CMBL: variants seen among roughly 807,000 people sequenced by gnomAD.
The protein encoded by CMBL is carboxymethylenebutenolidase homolog, also known as carboxymethylenebutenolidase homolog (Pseudomonas).
In CMBL, 17 loss-of-function variants were observed where a neutral mutation model predicts 28.7. That is an observed-to-expected ratio of 0.59 (90% CI 0.41 to 0.89). CMBL has a LOEUF of 0.89. CMBL is among the 40% of genes least tolerant of loss of function. CMBL has a pLI of 0.00. For synonymous variants in CMBL, 106 were observed against 101.6 expected (o/e 1.04, Z -0.26); for missense variants, 310 against 298.5 (o/e 1.04, Z -0.28).
intron 1 of CMBL, among the ~76,000 whole-genome samples, chr5:10,299,151 A>G (rs1215588675): frequency 6.6e-6 from 1 of 152,208 alleles, no homozygotes; most frequent in Non-Finnish European, 1.5e-5. Flanking sequence ...AACAAGATAG[A>G]CTAGGAGAAG....
intron 1 of CMBL, among the ~76,000 whole-genome samples, chr5:10,303,730 A>G (rs1421637772): frequency 6.6e-6 from 1 of 152,156 alleles, no homozygotes; most frequent in Non-Finnish European, 1.5e-5. Flanking sequence ...GGGGGATCAC[A>G]CACCTCTCAT....
intron 4 of CMBL, among the ~76,000 whole-genome samples, chr5:10,283,548 C>T (rs780623518): frequency 2.0e-5 from 3 of 152,194 alleles, no homozygotes; most frequent in East Asian, 1.9e-4. Context: ...GAGGCCAAGG[C>T]GGGGTGGATC....
intron 1 of CMBL, among the ~76,000 whole-genome samples, chr5:10,291,153 G>C (rs1203558189): frequency 6.6e-6 from 1 of 152,162 alleles, no homozygotes; most frequent in Non-Finnish European, 1.5e-5. Flanking sequence ...CACCCTAACA[G>C]TCGGGTGCTT....
chr5:10,302,128 G>A (rs1234011837), intron 1 of CMBL, among the ~76,000 whole-genome samples: 1 of 152,156 alleles, frequency 6.6e-6, no homozygotes, highest in Non-Finnish European at 1.5e-5. Context: ...AGTCCACAAT[G>A]GGCAGGGCGA....
chr5:10,293,697 C>T (rs1172739350), intron 1 of CMBL, among the ~76,000 whole-genome samples: 1 of 152,210 alleles, frequency 6.6e-6, no homozygotes, highest in East Asian at 1.9e-4. Flanking sequence ...AGACCAAAGA[C>T]TCTAGAACCA....
rs144737518 is a variant in CMBL, at chr5:10,280,630, T to C, written c.561A>G (p.Val187=). 5 of 1,597,452 alleles carry C rather than the reference T, an allele frequency of 3.1e-6. No homozygotes were observed. The highest frequency in any genetic ancestry group is 1.7e-5 in the Admixed American group (1 of 59,736). The change falls in exon 6 of 6, where the codon GTA becomes GTG. Residue 187 remains valine, a splice_region_variant and synonymous_variant. Coordinates refer to ENST00000296658, the MANE Select transcript of CMBL (RefSeq NM_138809.4). ...ENDVVIPLKD[V]SLLTQKLKEH... Reference sequence around the variant, plus strand: ...CTTTCAACTTCTGAGTCAGCAAAGATACCTGGTGTGCAAAAGATTTCATGA... The same window carrying C: ...CTTTCAACTTCTGAGTCAGCAAAGACACCTGGTGTGCAAAAGATTTCATGA...
intron 1 of CMBL, among the ~76,000 whole-genome samples, chr5:10,294,981 G>A (rs1283663943): frequency 2.6e-5 from 4 of 152,180 alleles, no homozygotes; most frequent in African/African-American, 7.2e-5. Flanking sequence ...AGAAGTTCAA[G>A]GGCCAGGGGC....
chr5:10,297,569 CAA>C (rs551779818), intron 1 of CMBL, among the ~76,000 whole-genome samples: 12 of 65,454 alleles, frequency 1.8e-4, no homozygotes, highest in Middle Eastern at 8.9e-3. Context: ...AACTCTATCT[CAA>C]AAAAAAAAAA....
At position 10,305,043 on chromosome 5, in the gene CMBL, T is replaced by C. The variant is rs76912494; in HGVS notation, c.-20+2582A>G. On this transcript the variant is annotated intron_variant, in intron 1 of 5. Transcript: ENST00000296658. ...CTGGGGCAGGACTGTGTGTCTGAGA[T>C]GCATGACAGAGTCCTCGTTACACAT... Among the ~76,000 whole-genome samples the C allele has an allele frequency of 6.0e-3, 916 of 152,338 alleles. 48 individuals are homozygous for C. The East Asian group carries it at 0.15, about 25-fold the overall frequency.
intron 1 of CMBL, among the ~76,000 whole-genome samples, chr5:10,296,054 T>G (rs1746803440): frequency 1.3e-5 from 2 of 152,208 alleles, no homozygotes; most frequent in South Asian, 4.1e-4. Flanking sequence ...CTGTTGGCCA[T>G]GAGCTTCCTG....
chr5:10,286,012 G>T (rs1368697142), intron 4 of CMBL: 2 of 188,308 alleles, frequency 1.1e-5, no homozygotes, highest in Non-Finnish European at 2.2e-5. Flanking sequence ...TTTCATAGAT[G>T]TTGCTCATAA....
chr5:10,304,305 A>T (rs756766325), intron 1 of CMBL, among the ~76,000 whole-genome samples: 125 of 152,158 alleles, frequency 8.2e-4, no homozygotes, highest in Non-Finnish European at 1.5e-3. Flanking sequence ...GGAGGTCAAG[A>T]CTGCAGTGAG....
At position 10,280,605 on chromosome 5, in the gene CMBL, CT is replaced by C; in HGVS notation, c.585del (p.Glu196AsnfsTer42). On this transcript the variant is annotated frameshift_variant, in exon 6 of 6. Transcript: ENST00000296658. LOFTEE classifies it high-confidence loss of function. Reference sequence around the variant, plus strand: ...ATTTGATATTCAACTTTGCAGTGTTCTTTCAACTTCTGAGTCAGCAAAGATA... The same window carrying C: ...ATTTGATATTCAACTTTGCAGTGTTCTTCAACTTCTGAGTCAGCAAAGATA... Reference protein sequence around the residue: ...KDVSLLTQKLKEHCKVEYQIK... With the variant: ...KDVSLLTQKLXEHCKVEYQIK... The C allele has an allele frequency of 6.2e-7, 1 of 1,607,614 alleles. No homozygotes were observed. The highest frequency in any genetic ancestry group is 8.5e-7 in the Non-Finnish European group (1 of 1,174,668).
At chr5:10,285,678 T>G (rs1015383574) in intron 4 of CMBL, among the ~76,000 whole-genome samples, 1 of 60,200 alleles carries the variant, frequency 1.7e-5, no homozygotes, top group African/African-American at 6.3e-5. Context: ...CAGTCTTTCT[T>G]TCTTTCTTTC....
At position 10,279,444 on chromosome 5, in the gene CMBL, T is replaced by A. The variant is rs527529030; in HGVS notation, c.*1009A>T. 4 of 152,292 alleles carry A rather than the reference T, an allele frequency of 2.6e-5. No homozygotes were observed. The highest frequency in any genetic ancestry group is 9.6e-5 in the African/African-American group (4 of 41,566). The allele number at this position is 152,292 out of a possible 1,614,324, so 9.4% of individuals were successfully genotyped here. A position where few individuals can be genotyped will look rare whatever the true frequency, so the allele number is the denominator to read the frequency against. ...AGTTAGTCTACCCGTTTATAGTTCA[T>A]GTTCTTCATGGCTTTGCAGCATTTG... is the stretch of plus-strand genomic sequence containing the variant. On this transcript the variant is annotated 3_prime_UTR_variant, in exon 6 of 6. Transcript: ENST00000296658.
chr5:10,301,591 T>TC (rs1746898398), intron 1 of CMBL, among the ~76,000 whole-genome samples: 1 of 145,304 alleles, frequency 6.9e-6, no homozygotes, highest in Non-Finnish European at 1.5e-5. Context: ...TTTCTTTTTT[T>TC]CTTTTTCTTT....
intron 5 of CMBL, 150 bp downstream of exon 5, chr5:10,282,047 C>G: frequency 1.0e-5 from 6 of 577,200 alleles, no homozygotes; most frequent in Non-Finnish European, 1.3e-5. Flanking sequence ...GTAGTCCCAG[C>G]TACTCGGGAG....
chr5:10,288,824 A>C (rs1389610765), intron 2 of CMBL, among the ~76,000 whole-genome samples: 1 of 152,140 alleles, frequency 6.6e-6, no homozygotes, highest in Non-Finnish European at 1.5e-5. Flanking sequence ...TGGGATGTGG[A>C]GGCACCTGGG....
intron 1 of CMBL, among the ~76,000 whole-genome samples, chr5:10,296,488 C>G (rs1746812215): frequency 6.6e-6 from 1 of 152,158 alleles, no homozygotes; most frequent in South Asian, 2.1e-4. Flanking sequence ...ACCATGTTGG[C>G]CAGGCTGGTC....
Sources: gnomAD v4.1 joint callset for allele counts (sites outside exome capture counted in the v4.1 genomes callset) on GRCh38, gnomAD v4.1.1 for gene constraint, MANE v1.5 for transcripts, NCBI Gene and HGNC (gene_info 2026-07-23, HGNC 2026-07-21) for gene names.